The following B3GALT1 variants were observed in gnomAD, a reference collection of about 807,000 sequenced individuals.
The protein encoded by B3GALT1 is UDP-Gal:betaGlcNAc beta 1,3-galactosyltransferase, polypeptide 1.
A neutral mutation model predicts 23.2 loss-of-function variants in B3GALT1; 10 were observed. That is an observed-to-expected ratio of 0.43 (90% CI 0.27 to 0.73). The LOEUF (loss-of-function observed/expected upper bound fraction) is 0.73, where lower values mean the gene tolerates loss of function less well. Among genes scored for constraint, B3GALT1 ranks in the 30% least tolerant of loss-of-function variants. The pLI is 0.21. For missense variants in B3GALT1, 299 were observed against 405.4 expected (o/e 0.74, Z 2.25); for synonymous variants, 156 against 141.5 (o/e 1.10, Z -0.73).
chr2:167,774,049 A>G lies in B3GALT1; in HGVS notation c.-351-44623A>G, dbSNP rs182957664. ...CATTTTTTACAGTATTTGAAAGACAATTTATTATGCCTAAATGTAAAGCAC... is the reference window on the plus strand; with the variant it reads ...CATTTTTTACAGTATTTGAAAGACAGTTTATTATGCCTAAATGTAAAGCAC... On this transcript the variant is annotated intron_variant, in intron 3 of 4. Coordinates refer to ENST00000392690, the MANE Select transcript of B3GALT1 (RefSeq NM_020981.4). Among the ~76,000 whole-genome samples the G allele has an allele frequency of 2.9e-3, 443 of 152,338 alleles. 3 individuals carry two copies. Among genetic ancestry groups the G allele is most frequent in the African/African-American group, 1.0e-2 (415 of 41,568 alleles).
intron 3 of B3GALT1, among the ~76,000 whole-genome samples, chr2:167,727,383 A>C (rs1035532215): frequency 6.6e-5 from 10 of 152,206 alleles, no homozygotes; most frequent in African/African-American, 9.6e-5. Context: ...AAAGACCTGA[A>C]TTTAATCACA....
chr2:167,712,550 T>C (rs1687077788), intron 3 of B3GALT1, among the ~76,000 whole-genome samples: 1 of 151,916 alleles, frequency 6.6e-6, no homozygotes, highest in South Asian at 2.1e-4. Context: ...ATGCTTTAAG[T>C]AATGATTTTT....
chr2:167,514,476 C>G (rs1700072650), intron 2 of B3GALT1, among the ~76,000 whole-genome samples: 2 of 152,248 alleles, frequency 1.3e-5, no homozygotes, highest in Non-Finnish European at 2.9e-5. Flanking sequence ...CTTGCAATCT[C>G]CCTTTAATGT....
chr2:167,604,108 A>T (rs1288034971), intron 2 of B3GALT1, among the ~76,000 whole-genome samples: 1 of 152,210 alleles, frequency 6.6e-6, no homozygotes, highest in Non-Finnish European at 1.5e-5. Context: ...TTAAATTATT[A>T]TAATCTGCAG....
In B3GALT1 at chr2:167,736,150, G is replaced by A. The variant is rs141345843; in HGVS notation, c.-351-82522G>A. On this transcript the variant is annotated intron_variant, in intron 3 of 4. Coordinates refer to ENST00000392690, the MANE Select transcript of B3GALT1 (RefSeq NM_020981.4). ...AGTGAACCACTTCAGATTCCACAGC[G>A]TCAATCCCAAATCCATGTTTTTTCA... Among the ~76,000 whole-genome samples the A allele has an allele frequency of 2.3e-3, 357 of 152,198 alleles. 2 individuals are homozygous for A. The highest frequency in any genetic ancestry group is 8.2e-3 in the African/African-American group (342 of 41,502).
intron 2 of B3GALT1, among the ~76,000 whole-genome samples, chr2:167,634,377 C>T (rs1032159166): frequency 2.0e-5 from 3 of 151,886 alleles, no homozygotes; most frequent in African/African-American, 4.8e-5. Flanking sequence ...GATAGAGACA[C>T]GAAAAACCCT....
At chr2:167,848,263 C>G (rs536997442) in intron 4 of B3GALT1, among the ~76,000 whole-genome samples, 1 of 152,180 alleles carries the variant, frequency 6.6e-6, no homozygotes, top group South Asian at 2.1e-4. Context: ...CACCCTAATA[C>G]CAAAACCAGG....
At chr2:167,367,991 G>A (rs1329510810) in intron 1 of B3GALT1, among the ~76,000 whole-genome samples, 1 of 152,180 alleles carries the variant, frequency 6.6e-6, no homozygotes, top group African/African-American at 2.4e-5. Context: ...TTTTCTGTCA[G>A]TTGGCACTAA....
Position 167,340,218 on chromosome 2 carries a change from CT to C in B3GALT1, c.-511+46889del, listed in dbSNP as rs1309722698. ...TTGACCTTGATCATCTCCTCAACCT[CT>C]TTTTCCCTAGGTTCACTTAAAAATC... is the stretch of plus-strand genomic sequence containing the variant. On this transcript the variant is annotated intron_variant, in intron 1 of 4. Transcript: ENST00000392690. Among the ~76,000 whole-genome samples the C allele has an allele frequency of 5.3e-5, 8 of 150,452 alleles. No individual in the cohort carries two copies. The South Asian group carries it at 1.3e-3, about 24-fold the overall frequency.
At chr2:167,448,981 G>T (rs1450676831) in intron 1 of B3GALT1, among the ~76,000 whole-genome samples, 1 of 152,106 alleles carries the variant, frequency 6.6e-6, no homozygotes, top group Non-Finnish European at 1.5e-5. Flanking sequence ...CCAGTACCAT[G>T]CTCTTTTGGT....
intron 2 of B3GALT1, among the ~76,000 whole-genome samples, chr2:167,603,749 A>G (rs1684913538): frequency 6.6e-6 from 1 of 152,194 alleles, no homozygotes; most frequent in Non-Finnish European, 1.5e-5. Context: ...TTTCCCTTGA[A>G]GTTCAAATTG....
At chr2:167,418,952 G>T (rs553990730) in intron 1 of B3GALT1, among the ~76,000 whole-genome samples, 21 of 152,296 alleles carry the variant, frequency 1.4e-4, no homozygotes, top group Non-Finnish European at 2.9e-4. Context: ...AATGCATGCA[G>T]CAGCACAGAC....
chr2:167,475,763 T>C (rs1025384331), intron 1 of B3GALT1, among the ~76,000 whole-genome samples: 2 of 152,058 alleles, frequency 1.3e-5, no homozygotes, highest in Admixed American at 1.3e-4. Context: ...TAGAAATTAA[T>C]TGTTTTACGG....
chr2:167,526,721 A>G (rs1029019320), intron 2 of B3GALT1, among the ~76,000 whole-genome samples: 13 of 152,182 alleles, frequency 8.5e-5, no homozygotes, highest in Non-Finnish European at 5.9e-5. Flanking sequence ...TAGGTAGAAT[A>G]TTTTAATAGC....
chr2:167,379,444 C>CA (rs1463992971), intron 1 of B3GALT1, among the ~76,000 whole-genome samples: 11 of 151,986 alleles, frequency 7.2e-5, no homozygotes, highest in Non-Finnish European at 1.5e-4. Context: ...CCTTTTTCCC[C>CA]ATTCTCTAGG....
chr2:167,583,641 T>C (rs551331063), intron 2 of B3GALT1, among the ~76,000 whole-genome samples: 4 of 152,124 alleles, frequency 2.6e-5, no homozygotes, highest in Admixed American at 2.6e-4. Context: ...TAAAACTTGA[T>C]GTCAGCATTC....
At chr2:167,521,980 G>GTATATATATATATATATA (rs1211999226) in intron 2 of B3GALT1, among the ~76,000 whole-genome samples, 1 of 128,134 alleles carries the variant, frequency 7.8e-6, no homozygotes, top group East Asian at 2.5e-4. Context: ...GTGTGTGTGT[G>GTATATATATATATATATA]TGTGTATATA....
intron 3 of B3GALT1, among the ~76,000 whole-genome samples, chr2:167,720,970 GTTGTTA>G (rs761333397): frequency 1.7e-4 from 26 of 152,050 alleles, no homozygotes; most frequent in Middle Eastern, 3.2e-3. Context: ...ATTGTATGTT[GTTGTTA>G]TTGTTATTGT....
At chr2:167,385,029 C>T (rs1697905753) in intron 1 of B3GALT1, among the ~76,000 whole-genome samples, 1 of 152,202 alleles carries the variant, frequency 6.6e-6, no homozygotes, top group African/African-American at 2.4e-5. Flanking sequence ...GAGAATCAGT[C>T]ATCTCATTTA....
Sources: gnomAD v4.1 joint callset for allele counts (sites outside exome capture counted in the v4.1 genomes callset) on GRCh38, gnomAD v4.1.1 for gene constraint, MANE v1.5 for transcripts, NCBI Gene and HGNC (gene_info 2026-07-23, HGNC 2026-07-21) for gene names.